MGAT5: variants seen among roughly 807,000 people sequenced by gnomAD.
MGAT5 encodes the protein alpha-1,6-mannosylglycoprotein 6-beta-N-acetylglucosaminyltransferase.
In MGAT5, 30 loss-of-function variants were observed where a neutral mutation model predicts 94.3. The ratio of observed to expected loss-of-function variants is 0.32; its 90% confidence interval spans 0.24 to 0.43. The LOEUF is 0.43. MGAT5 is among the 20% of genes least tolerant of loss of function. The pLI is 1.00. For synonymous variants in MGAT5, 310 were observed against 322.9 expected, an observed-to-expected ratio of 0.96 and a Z score of 0.43; for missense variants, 691 against 905.5, an observed-to-expected ratio of 0.76 and a Z score of 3.04.
At chr2:134,406,565 T>C (rs1170638176) in intron 11 of MGAT5, among the ~76,000 whole-genome samples, 2 of 152,188 alleles carry the variant, frequency 1.3e-5, no homozygotes, top group Non-Finnish European at 2.9e-5. Flanking sequence ...CTCTTCTTAC[T>C]GAGCTTGGAT....
chr2:134,250,848 C>G (rs1682547733), upstream of MGAT5, among the ~76,000 whole-genome samples: 1 of 152,188 alleles, frequency 6.6e-6, no homozygotes. Flanking sequence ...TTTTGGCCAT[C>G]TCTTTGCGCC....
chr2:134,310,082 T>C (rs1175028149), intron 2 of MGAT5, among the ~76,000 whole-genome samples: 1 of 152,174 alleles, frequency 6.6e-6, no homozygotes, highest in African/African-American at 2.4e-5. Flanking sequence ...CTGAATTTGA[T>C]TTTCTTGTTG....
At chr2:134,447,981 G>A (rs935677873) in intron 15 of MGAT5, among the ~76,000 whole-genome samples, 2 of 152,228 alleles carry the variant, frequency 1.3e-5, no homozygotes, top group East Asian at 3.8e-4. Context: ...AAAGACCCAG[G>A]GAGGCGATGC....
chr2:134,126,325 C>T (rs1047615229), intron 1 of MGAT5, among the ~76,000 whole-genome samples: 3 of 152,190 alleles, frequency 2.0e-5, no homozygotes, highest in Non-Finnish European at 4.4e-5. Flanking sequence ...CTAATTCAGC[C>T]CATGTGACCA....
At chr2:134,270,337 A>AT (rs1219420737) in intron 1 of MGAT5, 49 bp from the exon 2 acceptor site, 1 of 1,559,610 alleles carries the variant, frequency 6.4e-7, no homozygotes, top group Non-Finnish European at 8.8e-7. Context: ...AGCCAGACAG[A>AT]TATGTAGAGG....
At chr2:134,258,479 T>A (rs978805320) in intron 1 of MGAT5, among the ~76,000 whole-genome samples, 2 of 152,244 alleles carry the variant, frequency 1.3e-5, no homozygotes, top group Admixed American at 1.3e-4. Context: ...TATGGCTGCT[T>A]TTGCACTATA....
At chr2:134,176,828 T>A (rs982718163) in intron 1 of MGAT5, among the ~76,000 whole-genome samples, 6 of 152,262 alleles carry the variant, frequency 3.9e-5, no homozygotes, top group Middle Eastern at 3.4e-3. Flanking sequence ...GCACTGACCT[T>A]TGAGAGGTGG....
At chr2:134,193,483 C>A (rs1221959944) in intron 1 of MGAT5, among the ~76,000 whole-genome samples, 1 of 152,144 alleles carries the variant, frequency 6.6e-6, no homozygotes, top group Non-Finnish European at 1.5e-5. Context: ...TTATAGGGGT[C>A]CCCACCACCC....
chr2:134,151,470 C>T (rs938650679), intron 1 of MGAT5, among the ~76,000 whole-genome samples: 3 of 147,258 alleles, frequency 2.0e-5, no homozygotes, highest in Admixed American at 2.0e-4. Context: ...CCTATGGGAG[C>T]CGCCCACTGC....
rs140692789 is a variant in MGAT5 at position 134,231,465 on chromosome 2, G to A, written c.-142-22797G>A. Among the ~76,000 whole-genome samples the A allele has an allele frequency of 3.8e-3, 581 of 152,278 alleles. 5 individuals carry two copies. Among genetic ancestry groups the A allele is most frequent in the African/African-American group, 0.013 (557 of 41,542 alleles). On this transcript the variant is annotated intron_variant, in intron 1 of 16. Coordinates refer to the MGAT5 transcript ENST00000409645. ...AAATAAACTGCATTCCTCTGTGGTG[G>A]GTGGTAAATGCTTCCTGTGTAGCAA...
At chr2:134,417,867 A>G (rs1530231) in intron 12 of MGAT5, among the ~76,000 whole-genome samples, 21,097 of 152,126 alleles carry the variant, frequency 0.14, 1,976 homozygotes, top group East Asian at 0.29. Flanking sequence ...GTCTGCAACA[A>G]TGATTACTGT....
chr2:134,136,678 A>G lies in MGAT5; in HGVS notation c.-143+16387A>G, dbSNP rs77696488. 0.022 allele frequency among the ~76,000 whole-genome samples: 3,379 copies of G among 152,322 alleles called. 276 individuals carry two copies. The East Asian group carries it at 0.25, about 11-fold the overall frequency. On this transcript the variant is annotated intron_variant, in intron 1 of 16. Coordinates refer to the MGAT5 transcript ENST00000409645. ...CCTGTGTATTTTATTTTATGCATTA[A>G]AAAAGTCTTTCTGAGAAGGAGTCCA...
chr2:134,329,171 T>C (rs1687808787), intron 4 of MGAT5, among the ~76,000 whole-genome samples: 1 of 152,126 alleles, frequency 6.6e-6, no homozygotes, highest in African/African-American at 2.4e-5. Flanking sequence ...AGGAATGAAC[T>C]TGCATGTTCT....
chr2:134,379,945 A>G (rs538845839), intron 10 of MGAT5, among the ~76,000 whole-genome samples: 9 of 152,356 alleles, frequency 5.9e-5, no homozygotes, highest in East Asian at 1.9e-4. Context: ...GGCCTTGGGC[A>G]TATTTTAACT....
At chr2:134,358,954 A>C (rs1338470551) in intron 9 of MGAT5, among the ~76,000 whole-genome samples, 1 of 152,252 alleles carries the variant, frequency 6.6e-6, no homozygotes, top group East Asian at 1.9e-4. Flanking sequence ...AGAAGTAGTT[A>C]TCATCATACT....
chr2:134,337,837 G>A (rs1481194824), intron 5 of MGAT5, among the ~76,000 whole-genome samples: 1 of 151,148 alleles, frequency 6.6e-6, no homozygotes, highest in East Asian at 1.9e-4. Flanking sequence ...AGGCTTTCTG[G>A]CAACTTCCAC....
chr2:134,317,493 C>A, intron 2 of MGAT5, 36 bp from the exon 3 acceptor site: 1 of 1,431,642 alleles, frequency 7.0e-7, no homozygotes, highest in Non-Finnish European at 9.5e-7. Flanking sequence ...TTTTATAGAT[C>A]TCATTGTATC....
chr2:134,363,453 T>TAA (rs1558825943), intron 10 of MGAT5, among the ~76,000 whole-genome samples: 3 of 152,226 alleles, frequency 2.0e-5, no homozygotes, highest in Non-Finnish European at 4.4e-5. Context: ...AGACAACTCT[T>TAA]TGTCTTAAAC....
chr2:134,318,584 C>T (rs1687138469), intron 3 of MGAT5, 66 bp from the exon 4 acceptor site: 3 of 1,183,114 alleles, frequency 2.5e-6, no homozygotes, highest in South Asian at 2.5e-5. Flanking sequence ...TCTATCCTCG[C>T]CTTCCCTGTC....
Sources: allele counts gnomAD v4.1 joint callset (sites outside exome capture counted in the v4.1 genomes callset), GRCh38; gene constraint gnomAD v4.1.1; transcripts MANE v1.5; gene names NCBI Gene and HGNC (gene_info 2026-07-23, HGNC 2026-07-21).